The following FIRRM variants were observed in gnomAD, a reference collection of about 807,000 sequenced individuals.
The protein encoded by FIRRM is FIGNL1-interacting regulator of recombination and mitosis.
chr1:169,804,883 G>C, the FIRRM span, among the ~76,000 whole-genome samples: 2 of 151,946 alleles, frequency 1.3e-5, no homozygotes, highest in African/African-American at 4.8e-5. Context: ...GGGTTTCACC[G>C]TGTTGGCCAG....
At chr1:169,819,408 C>T in the FIRRM span, among the ~76,000 whole-genome samples, 3 of 152,298 alleles carry the variant, frequency 2.0e-5, no homozygotes, top group South Asian at 6.2e-4. Flanking sequence ...ATATTTCCTA[C>T]CTAGTTATAT....
chr1:169,800,797 G>A, the FIRRM span: 1 of 548,100 alleles, frequency 1.8e-6, no homozygotes, highest in Non-Finnish European at 3.2e-6. Flanking sequence ...CTTTAGATTG[G>A]TAGTATTCTT....
chr1:169,848,667 CA>C, the FIRRM span, among the ~76,000 whole-genome samples: 2 of 152,178 alleles, frequency 1.3e-5, no homozygotes. Context: ...GCTCTCTTGA[CA>C]AAAATATCCA....
the FIRRM span, chr1:169,852,802 A>G: frequency 6.2e-7 from 1 of 1,613,964 alleles, no homozygotes; most frequent in Non-Finnish European, 8.5e-7. Flanking sequence ...TTATGCAAAA[A>G]GAGCTCGTCA....
chr1:169,801,060 A>G, the FIRRM span: 1 of 616,014 alleles, frequency 1.6e-6, no homozygotes, highest in Admixed American at 3.3e-5. Flanking sequence ...CTCTTTTTCT[A>G]ATATATCAAA....
At chr1:169,806,744 T>C in the FIRRM span, among the ~76,000 whole-genome samples, 1 of 152,274 alleles carries the variant, frequency 6.6e-6, no homozygotes, top group Non-Finnish European at 1.5e-5. Flanking sequence ...GCCTGGGAGC[T>C]GTATCACATG....
the FIRRM span, among the ~76,000 whole-genome samples, chr1:169,812,224 A>G: frequency 6.6e-6 from 1 of 152,212 alleles, no homozygotes; most frequent in African/African-American, 2.4e-5. Context: ...GAGAAAATTT[A>G]AAGTAAGCAA....
At chr1:169,810,798 A>C in the FIRRM span, among the ~76,000 whole-genome samples, 585 of 144,746 alleles carry the variant, frequency 4.0e-3, 5 homozygotes, top group African/African-American at 0.013. Flanking sequence ...TAGAGTTTTT[A>C]ATGTATAGTT....
chr1:169,802,387 C>G, the FIRRM span, among the ~76,000 whole-genome samples: 7 of 152,186 alleles, frequency 4.6e-5, no homozygotes, highest in East Asian at 1.3e-3. Context: ...TAGATTCAAA[C>G]CATAGAAATG....
the FIRRM span, among the ~76,000 whole-genome samples, chr1:169,832,823 G>C: frequency 6.6e-6 from 1 of 151,996 alleles, no homozygotes; most frequent in Non-Finnish European, 1.5e-5. Context: ...GCCTAGGCTG[G>C]TCTCAAACTC....
chr1:169,851,828 A>T, the FIRRM span: 1 of 1,613,922 alleles, frequency 6.2e-7, no homozygotes, highest in South Asian at 1.1e-5. Flanking sequence ...CTGGGTTTGT[A>T]GATGAAACTG....
the FIRRM span, among the ~76,000 whole-genome samples, chr1:169,841,143 A>C: frequency 6.6e-6 from 1 of 152,122 alleles, no homozygotes; most frequent in Non-Finnish European, 1.5e-5. Flanking sequence ...TAGTGTCTTG[A>C]TGGCCTTTAT....
chr1:169,824,255 A>G, the FIRRM span, among the ~76,000 whole-genome samples: 5 of 152,156 alleles, frequency 3.3e-5, no homozygotes, highest in Non-Finnish European at 5.9e-5. Context: ...CCTCACTCCC[A>G]TGAGTGAACT....
the FIRRM span, chr1:169,852,844 G>A: frequency 6.2e-7 from 1 of 1,614,160 alleles, no homozygotes; most frequent in South Asian, 1.1e-5. Flanking sequence ...GTACAGGTCA[G>A]CGCTGCATAC....
the FIRRM span, among the ~76,000 whole-genome samples, chr1:169,810,030 C>T: frequency 6.6e-6 from 1 of 152,112 alleles, no homozygotes; most frequent in Non-Finnish European, 1.5e-5. Flanking sequence ...CGAGGGTGTG[C>T]CGTCTGCTTC....
the FIRRM span, among the ~76,000 whole-genome samples, chr1:169,818,159 C>T: frequency 6.6e-6 from 1 of 152,180 alleles, no homozygotes; most frequent in Non-Finnish European, 1.5e-5. Flanking sequence ...CAGTAGTCTT[C>T]AATTACATGT....
At chr1:169,799,203 A>C in the FIRRM span, among the ~76,000 whole-genome samples, 3 of 152,256 alleles carry the variant, frequency 2.0e-5, no homozygotes, top group Non-Finnish European at 4.4e-5. Context: ...TGTATAAACA[A>C]ATTGTAAATA....
the FIRRM span, chr1:169,847,600 C>A: frequency 1.1e-6 from 1 of 935,044 alleles, no homozygotes; most frequent in Non-Finnish European, 1.7e-6. Context: ...TTTCCCCTCC[C>A]CACATTTCCA....
At chr1:169,848,058 T>C in the FIRRM span, among the ~76,000 whole-genome samples, 1 of 152,194 alleles carries the variant, frequency 6.6e-6, no homozygotes, top group Non-Finnish European at 1.5e-5. Flanking sequence ...TAGATTCTTA[T>C]TCCAGTTGGG....
Sources: allele counts gnomAD v4.1 joint callset (sites outside exome capture counted in the v4.1 genomes callset), GRCh38; gene constraint gnomAD v4.1.1; transcripts MANE v1.5; gene names NCBI Gene and HGNC (gene_info 2026-07-23, HGNC 2026-07-21).